Variants in TBPL2 observed in about 807,000 individuals in gnomAD.
TBPL2 encodes the protein TATA box-binding protein-like 2.
A neutral mutation model predicts 38.2 loss-of-function variants in TBPL2; 40 were observed. The observed-to-expected ratio is 1.05, with a 90% CI of 0.81 to 1.36. The LOEUF (loss-of-function observed/expected upper bound fraction) is 1.36. Among genes scored for constraint, TBPL2 ranks in the 40% most tolerant of loss-of-function variants. The pLI is 0.00. For missense variants in TBPL2, 461 were observed against 456.7 expected, an observed-to-expected ratio of 1.01 and a Z score of -0.09; for synonymous variants, 169 against 171.7, an observed-to-expected ratio of 0.98 and a Z score of 0.12.
Position 55,430,108 on chromosome 14 carries a change from G to GT in TBPL2, c.789-1135_789-1134insA, listed in dbSNP as rs971677510. On this transcript the variant is annotated intron_variant, in intron 4 of 6. Coordinates refer to ENST00000247219, the Ensembl canonical transcript of TBPL2. Reference sequence around the variant, plus strand: ...AGCCTGTGGAGTCCTGAGAGGTGAGGCTTCATTTCTCCTTAGGTATTTTTC... The same window carrying GT: ...AGCCTGTGGAGTCCTGAGAGGTGAGGTCTTCATTTCTCCTTAGGTATTTTTC... Among the ~76,000 whole-genome samples the GT allele has an allele frequency of 7.9e-5, 12 of 152,094 alleles. No homozygotes were observed. In the East Asian group the frequency reaches 1.5e-3, roughly 20 times the overall value.
chr14:55,427,075 G>T (rs1035396805), intron 5 of TBPL2, among the ~76,000 whole-genome samples: 1 of 152,218 alleles, frequency 6.6e-6, no homozygotes, highest in Non-Finnish European at 1.5e-5. Flanking sequence ...CTGGAGGCTC[G>T]TGACTTGAGA....
At chr14:55,431,497 A>T (rs1290488915) in intron 4 of TBPL2, among the ~76,000 whole-genome samples, 2 of 152,188 alleles carry the variant, frequency 1.3e-5, no homozygotes, top group Middle Eastern at 3.2e-3. Flanking sequence ...TTACTTTATG[A>T]CTTCAAATTG....
chr14:55,437,360 C>T (rs1886033614), intron 1 of TBPL2, among the ~76,000 whole-genome samples: 1 of 152,230 alleles, frequency 6.6e-6, no homozygotes, highest in Admixed American at 6.5e-5. Flanking sequence ...TGCCTGTAAT[C>T]CCAGCTACTG....
At chr14:55,430,311 G>T (rs1885904936) in intron 4 of TBPL2, among the ~76,000 whole-genome samples, 1 of 146,906 alleles carries the variant, frequency 6.8e-6, no homozygotes, top group South Asian at 2.1e-4. Flanking sequence ...CTCTTATCCA[G>T]ATCCTTCACC....
intron 5 of TBPL2, among the ~76,000 whole-genome samples, chr14:55,425,011 A>C (rs1490843708): frequency 2.6e-5 from 4 of 152,232 alleles, no homozygotes; most frequent in Non-Finnish European, 5.9e-5. Context: ...ATAAGAAAAA[A>C]AGACATCCAA....
intron 1 of TBPL2, among the ~76,000 whole-genome samples, chr14:55,437,840 G>A (rs713476): frequency 2.6e-4 from 39 of 152,274 alleles, no homozygotes; most frequent in African/African-American, 7.2e-4. Flanking sequence ...AGGCAAAGGC[G>A]TAATAAGAAT....
At chr14:55,440,326 A>C in intron 1 of TBPL2, 70 bp downstream of exon 1, 10 of 1,573,846 alleles carry the variant, frequency 6.4e-6, no homozygotes, top group Non-Finnish European at 8.6e-6. Context: ...AGAGGAACGA[A>C]GGCAAAGCCC....
At chr14:55,414,820 C>T (rs1369399550) in intron 6 of TBPL2, among the ~76,000 whole-genome samples, 1 of 152,200 alleles carries the variant, frequency 6.6e-6, no homozygotes, top group Non-Finnish European at 1.5e-5. Context: ...TCCACGTCCT[C>T]TCTAGTTAAC....
chr14:55,425,888 A>G (rs1374043018), intron 5 of TBPL2, among the ~76,000 whole-genome samples: 1 of 152,218 alleles, frequency 6.6e-6, no homozygotes, highest in Non-Finnish European at 1.5e-5. Context: ...ATTGCTTGCC[A>G]TTATCATCCT....
At chr14:55,436,765 G>C in exon 2 of TBPL2, 1 of 1,614,178 alleles carries the variant, frequency 6.2e-7, no homozygotes, top group South Asian at 1.1e-5. Context: ...GCTGGGTGAT[G>C]GCAACCTACT....
exon 1 of TBPL2, chr14:55,440,521 G>A: frequency 6.2e-7 from 1 of 1,609,106 alleles, no homozygotes; most frequent in Non-Finnish European, 8.5e-7. Context: ...CTCGGAACCC[G>A]CTCCGGCCAG....
intron 5 of TBPL2, among the ~76,000 whole-genome samples, 190 bp from the exon 6 acceptor site, chr14:55,424,443 A>G (rs1885790143): frequency 6.6e-6 from 1 of 152,240 alleles, no homozygotes; most frequent in South Asian, 2.1e-4. Flanking sequence ...GAAGTTAGGA[A>G]CATAATTAAT....
intron 1 of TBPL2, 36 bp from the exon 2 acceptor site, chr14:55,437,054 A>G (rs1375184080): frequency 2.6e-6 from 4 of 1,558,128 alleles, no homozygotes; most frequent in Admixed American, 1.7e-5. Flanking sequence ...CAAAAACACA[A>G]CAGACAGAAC....
chr14:55,433,391 G>GTT (rs1566594497), intron 4 of TBPL2, among the ~76,000 whole-genome samples: 4 of 146,956 alleles, frequency 2.7e-5, no homozygotes, highest in African/African-American at 1.0e-4. Flanking sequence ...GGGCTCAAGC[G>GTT]ATCCTCCTGC....
intron 4 of TBPL2, 96 bp downstream of exon 4, chr14:55,433,534 G>A: frequency 8.7e-7 from 1 of 1,151,674 alleles, no homozygotes; most frequent in South Asian, 1.4e-5. Context: ...AAGGCATTTT[G>A]CTTCTACTAT....
At chr14:55,433,840 G>A in intron 3 of TBPL2, 119 bp from the exon 4 acceptor site, 1 of 792,128 alleles carries the variant, frequency 1.3e-6, no homozygotes, top group South Asian at 2.3e-5. Context: ...TAAATGTCTG[G>A]GTCTTTTCTC....
intron 6 of TBPL2, among the ~76,000 whole-genome samples, chr14:55,415,611 T>C (rs2140161901): frequency 6.6e-6 from 1 of 152,254 alleles, no homozygotes; most frequent in African/African-American, 2.4e-5. Context: ...ACACCTGTAA[T>C]CCCAGCACTT....
intron 6 of TBPL2, among the ~76,000 whole-genome samples, chr14:55,418,372 G>A (rs945643734): frequency 1.3e-5 from 2 of 152,168 alleles, no homozygotes; most frequent in Non-Finnish European, 2.9e-5. Context: ...CCAATACTAC[G>A]TGGATTTTCC....
At chr14:55,439,617 C>CCCCCCTCCCG (rs1555344743) in intron 1 of TBPL2, among the ~76,000 whole-genome samples, 1 of 72,628 alleles carries the variant, frequency 1.4e-5, no homozygotes, top group African/African-American at 4.5e-5. Flanking sequence ...AAAGCAAACC[C>CCCCCCTCCCG]CCCCCCGTCT....
Sources: gnomAD v4.1 joint callset for allele counts (sites outside exome capture counted in the v4.1 genomes callset) on GRCh38, gnomAD v4.1.1 for gene constraint, MANE v1.5 for transcripts, NCBI Gene and HGNC (gene_info 2026-07-23, HGNC 2026-07-21) for gene names.